BCAR1: variants seen among roughly 807,000 people sequenced by gnomAD.
BCAR1 encodes the protein breast cancer anti-estrogen resistance protein 1.
In BCAR1, 30 loss-of-function variants were observed where a neutral mutation model predicts 67.6. The observed-to-expected ratio is 0.44, with a 90% CI of 0.33 to 0.60. The LOEUF is 0.60. BCAR1 is among the 20% of genes least tolerant of loss of function. The probability of loss-of-function intolerance (pLI) is 0.02; values close to 1 mark genes in which losing one functional copy is unlikely to be tolerated. For synonymous variants in BCAR1, 626 were observed against 556.7 expected (o/e 1.12, Z -1.75); for missense variants, 1,313 against 1,222.3 (o/e 1.07, Z -1.11).
intron 1 of BCAR1, chr16:75,263,739 G>C (rs2077952001): frequency 2.0e-6 from 2 of 985,688 alleles, no homozygotes; most frequent in African/African-American, 3.5e-5. Flanking sequence ...CAAATGGATG[G>C]GTGTGCTTAA....
rs149086202 is a variant in BCAR1 at position 75,245,522 on chromosome 16, C to T, written c.13-2432G>A. On this transcript the variant is annotated intron_variant, in intron 1 of 6. Coordinates refer to ENST00000162330, the MANE Select transcript of BCAR1 (RefSeq NM_014567.5). ...CGGGGGCTCTGTGGAGGGAAGGGCC[C>T]TGCAGGGAGGGAAAGCCCGGCCCAG... 6.3e-3 allele frequency among the ~76,000 whole-genome samples: 958 copies of T among 152,322 alleles called. 8 individuals are homozygous for T. Among genetic ancestry groups the T allele is most frequent in the African/African-American group, 0.022 (915 of 41,578 alleles).
At chr16:75,265,574 G>A (rs948728347) in intron 1 of BCAR1, among the ~76,000 whole-genome samples, 2 of 151,968 alleles carry the variant, frequency 1.3e-5, no homozygotes, top group South Asian at 2.1e-4. Context: ...ATCTTGGGGG[G>A]CTCCCCGAGG....
chr16:75,232,159 A>T (rs572121624), intron 6 of BCAR1, among the ~76,000 whole-genome samples: 1 of 143,378 alleles, frequency 7.0e-6, no homozygotes, highest in Non-Finnish European at 1.5e-5. Flanking sequence ...TTTTTAAAAC[A>T]ATTTTATTTT....
chr16:75,244,481 T>A (rs760823971), intron 1 of BCAR1, among the ~76,000 whole-genome samples: 1 of 152,204 alleles, frequency 6.6e-6, no homozygotes, highest in Non-Finnish European at 1.5e-5. Flanking sequence ...ACAGTGCCCC[T>A]CTGAGCGCCA....
chr16:75,243,161 C>T (rs1190886576), intron 1 of BCAR1, 71 bp from the exon 2 acceptor site: 2 of 1,469,276 alleles, frequency 1.4e-6, no homozygotes, highest in East Asian at 2.3e-5. Flanking sequence ...CCAGCTCCTG[C>T]CCTGCTCTGG....
rs2076839133 is a variant in BCAR1 at position 75,229,986 on chromosome 16, C to T, written c.2138G>A (p.Arg713Gln). Residue 713 changes from arginine to glutamine, a missense_variant, in exon 7 of 7, where the codon CGG (arginine) becomes CAG (glutamine). Physicochemically the swap from Arg to Gln is conservative, Grantham distance 43 (BLOSUM62 1). Transcript: ENST00000162330. The part of the protein sequence containing the change: ...QFERLEQEVS[R>Q]PIDHDLANWT... ...GTTGGCCAGGTCGTGGTCTATGGGC[C>T]GTGACACCTCCTGTTCCAGTCGTTC... 8.3e-6 allele frequency: 13 copies of T among 1,569,182 alleles called. No homozygotes were observed. Among genetic ancestry groups the T allele is most frequent in the Middle Eastern group, 1.7e-4 (1 of 5,872 alleles).
At chr16:75,258,416 C>A (rs1442040956) in intron 1 of BCAR1, among the ~76,000 whole-genome samples, 1 of 152,218 alleles carries the variant, frequency 6.6e-6, no homozygotes, top group Non-Finnish European at 1.5e-5. Flanking sequence ...TTTCACTATG[C>A]ATGTTATAAA....
chr16:75,243,360 T>C (rs1458473361), intron 1 of BCAR1: 3 of 629,668 alleles, frequency 4.8e-6, no homozygotes, highest in African/African-American at 3.6e-5. Context: ...ACTCCAGGGA[T>C]GACCCTCAAG....
intron 5 of BCAR1, among the ~76,000 whole-genome samples, chr16:75,234,625 C>T (rs17673983): frequency 0.23 from 35,669 of 152,208 alleles, 5,300 homozygotes; most frequent in Admixed American, 0.34. Flanking sequence ...TGTGTGTGCA[C>T]ATTTCTGCAG....
upstream of BCAR1, among the ~76,000 whole-genome samples, chr16:75,254,657 C>A (rs1434827504): frequency 1.3e-5 from 2 of 152,178 alleles, no homozygotes; most frequent in African/African-American, 4.8e-5. Context: ...GAGGTTGTTG[C>A]CAGACCAAGG....
At chr16:75,239,498 A>C (rs1184880575) in intron 2 of BCAR1, among the ~76,000 whole-genome samples, 1 of 152,194 alleles carries the variant, frequency 6.6e-6, no homozygotes, top group Non-Finnish European at 1.5e-5. Flanking sequence ...TAAGGGCCCC[A>C]GAGGCAGGTG....
upstream of BCAR1, among the ~76,000 whole-genome samples, chr16:75,253,685 C>T (rs768099997): frequency 1.3e-5 from 2 of 152,224 alleles, no homozygotes; most frequent in African/African-American, 4.8e-5. Context: ...ATGGCATTTC[C>T]GCTTTGGAAA....
In BCAR1 at chr16:75,242,638, G is replaced by C. The variant is rs2077385646; in HGVS notation, c.465C>G (p.His155Gln). The C allele has an allele frequency of 6.6e-7, 1 of 1,521,352 alleles. No individual in the cohort carries two copies. Among genetic ancestry groups the C allele is most frequent in the Non-Finnish European group, 8.8e-7 (1 of 1,135,148 alleles). 94.2% of individuals were successfully genotyped at this position (1,521,352 alleles called of 1,614,324 possible). The change falls in exon 2 of 7, where the codon CAC becomes CAG. Residue 155 changes from histidine (H) to glutamine (Q), a missense_variant. His to Gln is a conservative substitution (Grantham distance 24). Coordinates refer to ENST00000162330, the MANE Select transcript of BCAR1 (RefSeq NM_014567.5). Reference protein sequence around the residue: ...TSTFSKQTPHHPFPSPATDLY... With the variant: ...TSTFSKQTPHQPFPSPATDLY... ...GGTCTGTGGCCGGGCTGGGAAACGG[G>C]TGATGGGGTGTCTGCTTCGAGAAGG...
intron 6 of BCAR1, among the ~76,000 whole-genome samples, chr16:75,232,406 C>T (rs918329099): frequency 2.0e-5 from 3 of 152,236 alleles, no homozygotes; most frequent in Middle Eastern, 3.4e-3. Flanking sequence ...GTGATCTGCC[C>T]GCCTTGGCCT....
At chr16:75,256,519 G>C (rs559398187), upstream of BCAR1, among the ~76,000 whole-genome samples, 210 of 152,076 alleles carry the variant, frequency 1.4e-3, no homozygotes, top group African/African-American at 4.6e-3. Context: ...ACGGATGGGG[G>C]GGGGTGGGGC....
At chr16:75,259,818 C>CTA (rs2077859943) in intron 1 of BCAR1, among the ~76,000 whole-genome samples, 1 of 130,030 alleles carries the variant, frequency 7.7e-6, no homozygotes, top group Admixed American at 8.8e-5. Context: ...TGCCACTGCA[C>CTA]TACAGCTTGG....
At position 75,234,867 on chromosome 16, in the gene BCAR1, G is replaced by C. The variant is rs751573552; in HGVS notation, c.2010+22C>G. 3.9e-6 allele frequency: 6 copies of C among 1,520,844 alleles called. No individual in the cohort carries two copies. In the Admixed American group the frequency reaches 1.3e-4, roughly 33 times the overall value. The allele number at this position is 1,520,844 out of a possible 1,614,324, so 94.2% of individuals were successfully genotyped here. A position where few individuals can be genotyped will look rare whatever the true frequency, so the allele number is the denominator to read the frequency against. The stretch of plus-strand genomic sequence containing the variant: ...GCCCAGCGTGGCAGAAGAGGAGCCG[G>C]GGCTGGGCAGGCGGCACCCACCTGT... On this transcript the variant is annotated intron_variant, in intron 5 of 6. Coordinates refer to ENST00000162330, the MANE Select transcript of BCAR1 (RefSeq NM_014567.5).
At chr16:75,266,658 C>T in intron 1 of BCAR1, 1 of 1,212,114 alleles carries the variant, frequency 8.3e-7, no homozygotes, top group Non-Finnish European at 1.1e-6. Context: ...TCCTGCCAGG[C>T]AGGCCTTGCT....
intron 3 of BCAR1, 69 bp downstream of exon 3, chr16:75,237,114 C>CG: frequency 2.0e-6 from 3 of 1,500,414 alleles, no homozygotes; most frequent in Non-Finnish European, 2.7e-6. Flanking sequence ...ATGCAGCTCT[C>CG]GGCCCAGGGC....
Sources: gnomAD v4.1 joint callset for allele counts (sites outside exome capture counted in the v4.1 genomes callset) on GRCh38, gnomAD v4.1.1 for gene constraint, MANE v1.5 for transcripts, NCBI Gene and HGNC (gene_info 2026-07-23, HGNC 2026-07-21) for gene names.